The following SLC2A13 variants were observed in gnomAD, a reference collection of about 807,000 sequenced individuals.
SLC2A13 encodes proton myo-inositol cotransporter.
SLC2A13 carries 32 observed loss-of-function variants against 64.4 expected under a neutral mutation model. That is an observed-to-expected ratio of 0.50 (90% confidence interval 0.37 to 0.67). The LOEUF is 0.67. Among genes scored for constraint, SLC2A13 ranks in the 30% least tolerant of loss-of-function variants. The probability of loss-of-function intolerance (pLI) is 0.00; values close to 1 mark genes in which losing one functional copy is unlikely to be tolerated. For missense variants in SLC2A13, 743 were observed against 829.2 expected, an observed-to-expected ratio of 0.90 and a Z score of 1.28; for synonymous variants, 338 against 327.1, an observed-to-expected ratio of 1.03 and a Z score of -0.36.
Position 39,755,860 on chromosome 12 carries a change from A to G in SLC2A13, c.*4166T>C, listed in dbSNP as rs375300811. On this transcript the variant is annotated 3_prime_UTR_variant, in exon 10 of 10. Coordinates refer to ENST00000280871, the MANE Select transcript of SLC2A13 (RefSeq NM_052885.4). ...CTCACTAGCAAATTATACGGATAAAATACTTTCATGAACTTCTGAACATCA... is the reference window on the plus strand; with the variant it reads ...CTCACTAGCAAATTATACGGATAAAGTACTTTCATGAACTTCTGAACATCA... The G allele has an allele frequency of 4.7e-4, 72 of 152,180 alleles. No homozygotes were observed. Among genetic ancestry groups the G allele is most frequent in the African/African-American group, 1.5e-3 (63 of 41,562 alleles). 9.4% of individuals were successfully genotyped at this position (152,180 alleles called of 1,614,324 possible).
rs570848641 is a variant in SLC2A13, at chr12:40,091,770, G to GT, written c.556+13482dup. 2.9e-3 allele frequency among the ~76,000 whole-genome samples: 435 copies of GT among 152,276 alleles called. 1 individual carries two copies. The highest frequency in any genetic ancestry group is 5.0e-3 in the Non-Finnish European group (339 of 67,996). ...GGAAAACTTAATTCAGGACAGTCTG[G>GT]TTTTGTTCACCAATCCAAAATATGT... On this transcript the variant is annotated intron_variant, in intron 1 of 9. Transcript: ENST00000280871.
intron 1 of SLC2A13, among the ~76,000 whole-genome samples, chr12:40,097,310 T>C (rs17489611): frequency 0.018 from 2,806 of 152,242 alleles, 91 homozygotes; most frequent in African/African-American, 0.064. Flanking sequence ...AAAAGCTTAC[T>C]CTCAAGGGGC....
intron 4 of SLC2A13, among the ~76,000 whole-genome samples, chr12:39,909,667 G>A (rs1945378135): frequency 6.6e-6 from 1 of 152,102 alleles, no homozygotes; most frequent in Non-Finnish European, 1.5e-5. Context: ...TGGTAGTCAA[G>A]GGGATCTGAT....
intron 4 of SLC2A13, among the ~76,000 whole-genome samples, chr12:39,888,985 CA>C (rs1039317199): frequency 6.6e-6 from 1 of 151,970 alleles, no homozygotes; most frequent in Non-Finnish European, 1.5e-5. Flanking sequence ...TATAAAAATA[CA>C]AGTCGGGATT....
In SLC2A13 at chr12:39,871,906, T is replaced by C. The variant is rs775123183; in HGVS notation, c.1090A>G (p.Ile364Val). ...AAGGCTGTAACTGAAGCCAGCCATA[T>C]TGCAAGTCTATCATCTTCAACACCA... ...MSGVEDDRLA[I>V]WLASVTAFTN... The change falls in exon 5 of 10, where the codon ATA becomes GTA. Residue 364 changes from isoleucine (I) to valine (V), a missense_variant. Physicochemically the swap from Ile to Val is conservative, Grantham distance 29. Around this residue, in one of 2 missense-constraint regions of SLC2A13, gnomAD observed 295 missense variants for 381.7 expected, o/e 0.77. Transcript: ENST00000280871. 23 of 1,611,284 alleles carry C rather than the reference T, an allele frequency of 1.4e-5. No homozygotes were observed. Among genetic ancestry groups the C allele is most frequent in the East Asian group, 6.7e-5 (3 of 44,656 alleles).
At chr12:40,079,002 T>C (rs1938290167) in intron 1 of SLC2A13, among the ~76,000 whole-genome samples, 1 of 152,094 alleles carries the variant, frequency 6.6e-6, no homozygotes, top group Non-Finnish European at 1.5e-5. Context: ...GTCATCTCTG[T>C]GTTTATTAGG....
chr12:39,849,512 T>G (rs146166413), intron 6 of SLC2A13, among the ~76,000 whole-genome samples: 2 of 152,324 alleles, frequency 1.3e-5, no homozygotes, highest in Non-Finnish European at 2.9e-5. Flanking sequence ...GGCTGTTTAT[T>G]GAGGTGCTCA....
intron 7 of SLC2A13, among the ~76,000 whole-genome samples, chr12:39,810,591 T>G (rs1942126151): frequency 1.3e-5 from 2 of 152,170 alleles, no homozygotes; most frequent in Admixed American, 1.3e-4. Context: ...TGCTATTAAG[T>G]ATAATGTAAG....
chr12:39,958,393 C>T (rs1260143413), intron 3 of SLC2A13, among the ~76,000 whole-genome samples: 1 of 152,178 alleles, frequency 6.6e-6, no homozygotes, highest in Non-Finnish European at 1.5e-5. Flanking sequence ...TGTAAGTCTC[C>T]ATCGCCCCTT....
At chr12:39,957,718 A>G (rs78337350) in intron 3 of SLC2A13, among the ~76,000 whole-genome samples, 52 of 152,318 alleles carry the variant, frequency 3.4e-4, no homozygotes, top group African/African-American at 1.1e-3. Context: ...CTGGCTCCCA[A>G]TCATGTTCTC....
At chr12:39,923,353 A>G (rs1266228270) in intron 4 of SLC2A13, among the ~76,000 whole-genome samples, 1 of 152,202 alleles carries the variant, frequency 6.6e-6, no homozygotes, top group Non-Finnish European at 1.5e-5. Context: ...ACATGCTACA[A>G]TAAGGATGAT....
At chr12:39,779,820 A>G (rs777014952) in intron 7 of SLC2A13, among the ~76,000 whole-genome samples, 1 of 152,224 alleles carries the variant, frequency 6.6e-6, no homozygotes. Context: ...AAACTACACC[A>G]GTATTCTGAT....
intron 7 of SLC2A13, among the ~76,000 whole-genome samples, chr12:39,783,613 C>G (rs1327893481): frequency 2.0e-5 from 3 of 152,202 alleles, no homozygotes; most frequent in Admixed American, 1.3e-4. Flanking sequence ...GCATTTCTCT[C>G]ATGGCCAGTA....
chr12:39,913,658 A>G (rs1358829586), intron 4 of SLC2A13, among the ~76,000 whole-genome samples: 1 of 151,960 alleles, frequency 6.6e-6, no homozygotes, highest in Non-Finnish European at 1.5e-5. Flanking sequence ...GAGAAAAGAT[A>G]CATAATTTGT....
At chr12:39,954,591 G>A (rs909446678) in intron 3 of SLC2A13, among the ~76,000 whole-genome samples, 9 of 152,100 alleles carry the variant, frequency 5.9e-5, no homozygotes, top group Non-Finnish European at 1.2e-4. Flanking sequence ...CTTAATAATG[G>A]TGTAAGTTTA....
At chr12:39,781,103 C>T (rs1315923817) in intron 7 of SLC2A13, among the ~76,000 whole-genome samples, 2 of 152,008 alleles carry the variant, frequency 1.3e-5, no homozygotes, top group Non-Finnish European at 2.9e-5. Flanking sequence ...CTTTTTTTTA[C>T]TCACTTCCTG....
At chr12:40,015,986 C>T (rs117027207) in intron 3 of SLC2A13, among the ~76,000 whole-genome samples, 2,122 of 152,210 alleles carry the variant, frequency 0.014, 130 homozygotes, top group Admixed American at 0.096. Flanking sequence ...GAATAATGCT[C>T]TTTTATTAGT....
At chr12:39,951,112 A>G (rs1946221379) in intron 4 of SLC2A13, 145 bp downstream of exon 4, 9 of 590,012 alleles carry the variant, frequency 1.5e-5, no homozygotes, top group Non-Finnish European at 8.3e-6. Context: ...AAAATTGTAA[A>G]GTCAGTATCT....
chr12:40,101,042 A>G (rs1273689196), intron 1 of SLC2A13, among the ~76,000 whole-genome samples: 1 of 151,074 alleles, frequency 6.6e-6, no homozygotes, highest in East Asian at 1.9e-4. Context: ...CGTATGTCCT[A>G]TTTGAAATTC....
Sources: gnomAD v4.1 joint callset for allele counts (sites outside exome capture counted in the v4.1 genomes callset) on GRCh38, gnomAD v4.1.1 for gene constraint, gnomAD v4.1.1 regional missense constraint, MANE v1.5 for transcripts, NCBI Gene and HGNC (gene_info 2026-07-23, HGNC 2026-07-21) for gene names.